SPOPL: variants seen among roughly 807,000 people sequenced by gnomAD.
SPOPL encodes the protein speckle type BTB/POZ protein like, also known as speckle-type POZ protein-like.
Under a neutral mutation model 53.8 loss-of-function variants are expected in SPOPL, and 23 were observed. The observed-to-expected ratio is 0.43, with a 90% CI of 0.31 to 0.61. SPOPL has a LOEUF of 0.61. SPOPL is among the 20% of genes least tolerant of loss of function. The pLI, the probability that SPOPL is intolerant of heterozygous loss-of-function variation, is 0.12. For synonymous variants in SPOPL, 164 were observed against 149.7 expected, an observed-to-expected ratio of 1.10 and a Z score of -0.70; for missense variants, 442 against 466.9, an observed-to-expected ratio of 0.95 and a Z score of 0.49.
chr2:138,525,663 A>AAAAAAAAAAC (rs1684657530), intron 1 of SPOPL, among the ~76,000 whole-genome samples: 4 of 130,482 alleles, frequency 3.1e-5, no homozygotes, highest in Non-Finnish European at 6.2e-5. Flanking sequence ...GTAGAAAAAA[A>AAAAAAAAAAC]AAAAAAAAAA....
At position 138,548,931 on chromosome 2, in the gene SPOPL, C is replaced by T. The variant is rs188937786; in HGVS notation, c.-60-1226C>T. Among the ~76,000 whole-genome samples, 3 of 152,186 alleles carry T rather than the reference C, an allele frequency of 2.0e-5. No homozygotes were observed. The East Asian group carries it at 5.8e-4, about 29-fold the overall frequency. On this transcript the variant is annotated intron_variant, in intron 1 of 10. Transcript: ENST00000280098. ...TAAATATTCAACTTTTGTTTCTGCT[C>T]CTGTTTCTACTCCCAAGTCTGTAGA...
chr2:138,538,669 G>T (rs1445179732), intron 1 of SPOPL, among the ~76,000 whole-genome samples: 1 of 151,494 alleles, frequency 6.6e-6, no homozygotes, highest in African/African-American at 2.4e-5. Flanking sequence ...CAGGCCATTT[G>T]CAACTCTGCC....
Position 138,559,064 on chromosome 2 carries a change from A to G in SPOPL, c.523A>G (p.Asn175Asp), listed in dbSNP as rs774464011. ...QDSVNISGHT[N>D]TNTLKVPECR... is the part of the protein sequence containing the mutation. ...TTCAGTAAACATATCAGGACATACT[A>G]ATACAAATACTTTGAAGGTGCCTGA... The change falls in exon 6 of 11, where the codon AAT becomes GAT. Residue 175 changes from asparagine to aspartate, a missense_variant. Asn to Asp is a conservative substitution (Grantham distance 23). Coordinates refer to ENST00000280098, the MANE Select transcript of SPOPL (RefSeq NM_001001664.3). 7 of 1,613,164 alleles carry G rather than the reference A, an allele frequency of 4.3e-6. No individual in the cohort carries two copies. Among genetic ancestry groups the G allele is most frequent in the South Asian group, 3.3e-5 (3 of 90,998 alleles).
At chr2:138,567,442 G>A (rs569783243) in intron 10 of SPOPL, among the ~76,000 whole-genome samples, 7 of 138,516 alleles carry the variant, frequency 5.1e-5, no homozygotes, top group South Asian at 2.3e-4. Context: ...TGTTGCGGGC[G>A]GGGAGGTAGT....
At chr2:138,552,059 T>C (rs942389247) in intron 4 of SPOPL, among the ~76,000 whole-genome samples, 2 of 152,052 alleles carry the variant, frequency 1.3e-5, no homozygotes, top group African/African-American at 4.8e-5. Context: ...TGGATTTTTC[T>C]ATAGTTGAAT....
In SPOPL at chr2:138,571,877, T is replaced by G. The variant is rs573738826; in HGVS notation, c.*2797T>G. On this transcript the variant is annotated 3_prime_UTR_variant, in exon 11 of 11. Coordinates refer to ENST00000280098, the MANE Select transcript of SPOPL (RefSeq NM_001001664.3). ...TTTCATTTTTAATTTTAATGTGTGT[T>G]GATATTTGGAGCACAAATAATGAAG... is the stretch of plus-strand genomic sequence containing the variant. 2 of 152,718 alleles carry G rather than the reference T, an allele frequency of 1.3e-5. No individual in the cohort carries two copies. The highest frequency in any genetic ancestry group is 3.9e-4 in the East Asian group (2 of 5,188). The allele number at this position is 152,718 out of a possible 1,614,324, so 9.5% of individuals were successfully genotyped here.
intron 1 of SPOPL, among the ~76,000 whole-genome samples, chr2:138,518,060 A>G (rs557012436): frequency 1.3e-5 from 2 of 151,452 alleles, no homozygotes; most frequent in South Asian, 2.1e-4. Flanking sequence ...AAAAAAAAAA[A>G]AAAAAGAAAA....
intron 4 of SPOPL, among the ~76,000 whole-genome samples, chr2:138,551,594 AG>A (rs1203747988): frequency 6.6e-6 from 1 of 152,048 alleles, no homozygotes; most frequent in African/African-American, 2.4e-5. Flanking sequence ...TCATAATAGA[AG>A]AGTGATGTAG....
At position 138,550,182 on chromosome 2, in the gene SPOPL, C is replaced by T. The variant is rs764478887; in HGVS notation, c.-35C>T. 1 of 1,598,482 alleles carries T rather than the reference C, an allele frequency of 6.3e-7. No homozygotes were observed. Among genetic ancestry groups the T allele is most frequent in the Non-Finnish European group, 8.6e-7 (1 of 1,166,860 alleles). On this transcript the variant is annotated 5_prime_UTR_variant, in exon 2 of 11. Transcript: ENST00000280098. ...GTAAGGTACTCAACTGTGTGGGGTA[C>T]TACATAAATCCTGAAAGACTACAAT...
intron 1 of SPOPL, among the ~76,000 whole-genome samples, chr2:138,520,033 G>A (rs1684522866): frequency 6.6e-6 from 1 of 152,110 alleles, no homozygotes; most frequent in Admixed American, 6.5e-5. Flanking sequence ...CAGTGTTGGT[G>A]CTTAAAGAGA....
intron 1 of SPOPL, among the ~76,000 whole-genome samples, chr2:138,503,942 G>A (rs189213762): frequency 9.2e-5 from 14 of 152,254 alleles, no homozygotes; most frequent in South Asian, 4.1e-4. Flanking sequence ...ATATTCACAT[G>A]TCTTCTTGGC....
chr2:138,540,000 G>A (rs972406288), intron 1 of SPOPL, among the ~76,000 whole-genome samples: 3 of 152,252 alleles, frequency 2.0e-5, no homozygotes, highest in Admixed American at 6.5e-5. Context: ...TATTAAATAG[G>A]GAATCCTGTC....
chr2:138,564,468 T>C lies in SPOPL; in HGVS notation c.838-240T>C, dbSNP rs1685616330. The C allele has an allele frequency of 6.8e-6, 3 of 443,344 alleles. No individual in the cohort carries two copies. The East Asian group carries it at 1.2e-4, about 17-fold the overall frequency. The allele number at this position is 443,344 out of a possible 1,614,324, so 27.5% of individuals were successfully genotyped here. A position where few individuals can be genotyped will look rare whatever the true frequency, so the allele number is the denominator to read the frequency against. On this transcript the variant is annotated intron_variant, in intron 8 of 10. Coordinates refer to ENST00000280098, the MANE Select transcript of SPOPL (RefSeq NM_001001664.3). The stretch of plus-strand genomic sequence containing the variant: ...TGAGTAATAAGGTAGCTTTTTAGAA[T>C]AAATCCTACTTCAAAAATACGCTTA...
At chr2:138,533,641 A>G (rs1224478333) in intron 1 of SPOPL, among the ~76,000 whole-genome samples, 2 of 152,094 alleles carry the variant, frequency 1.3e-5, no homozygotes, top group Admixed American at 6.5e-5. Context: ...AATCTTAATT[A>G]TTCTCCCTGG....
At chr2:138,541,007 G>GT (rs1419887244) in intron 1 of SPOPL, among the ~76,000 whole-genome samples, 3 of 151,938 alleles carry the variant, frequency 2.0e-5, no homozygotes, top group Admixed American at 6.6e-5. Flanking sequence ...TAATCATATG[G>GT]TTTTTTTCAT....
chr2:138,523,675 G>A (rs1384454455), intron 1 of SPOPL, among the ~76,000 whole-genome samples: 1 of 152,078 alleles, frequency 6.6e-6, no homozygotes, highest in African/African-American at 2.4e-5. Context: ...AAAACAAAGG[G>A]GCTCCAGGCC....
Position 138,569,206 on chromosome 2 carries a change from A to C in SPOPL, c.*126A>C. On this transcript the variant is annotated 3_prime_UTR_variant, in exon 11 of 11. Transcript: ENST00000280098. Reference sequence around the variant, plus strand: ...TTGTCCACAGAACAGAAGCTGAAAAAGCATATTGCTTGCATTTCAGGTGGA... The same window carrying C: ...TTGTCCACAGAACAGAAGCTGAAAACGCATATTGCTTGCATTTCAGGTGGA... 1 of 1,062,718 alleles carries C rather than the reference A, an allele frequency of 9.4e-7. No homozygotes were observed. The highest frequency in any genetic ancestry group is 2.5e-5 in the East Asian group (1 of 40,774). The allele number at this position is 1,062,718 out of a possible 1,614,324, so 65.8% of individuals were successfully genotyped here.
chr2:138,552,402 T>A (rs1024198518), intron 4 of SPOPL, 152 bp from the exon 5 acceptor site: 65 of 986,524 alleles, frequency 6.6e-5, no homozygotes, highest in Non-Finnish European at 8.4e-5. Flanking sequence ...AAAACTCTTA[T>A]GACATTTGAT....
At chr2:138,566,940 A>C (rs1685672840) in intron 10 of SPOPL, among the ~76,000 whole-genome samples, 2 of 152,210 alleles carry the variant, frequency 1.3e-5, no homozygotes, top group Admixed American at 1.3e-4. Context: ...TAGCAGAAGT[A>C]AGAAGGAAGT....
Sources: allele counts gnomAD v4.1 joint callset (sites outside exome capture counted in the v4.1 genomes callset), GRCh38; gene constraint gnomAD v4.1.1; transcripts MANE v1.5; gene names NCBI Gene and HGNC (gene_info 2026-07-23, HGNC 2026-07-21).